The following CDH22 variants were observed in gnomAD, a reference collection of about 807,000 sequenced individuals.
The protein encoded by CDH22 is cadherin-22.
In CDH22, 30 loss-of-function variants were observed where a neutral mutation model predicts 58.4. The ratio of observed to expected loss-of-function variants is 0.51; its 90% CI spans 0.38 to 0.70. The LOEUF is 0.70. CDH22 is among the 30% of genes least tolerant of loss of function. CDH22 has a pLI of 0.00. For missense variants in CDH22, 1,014 were observed against 1,233.9 expected, an observed-to-expected ratio of 0.82 and a Z score of 2.67; for synonymous variants, 513 against 558.2, an observed-to-expected ratio of 0.92 and a Z score of 1.14.
chr20:46,198,482 C>T (rs1376256141), intron 8 of CDH22, among the ~76,000 whole-genome samples: 16 of 151,516 alleles, frequency 1.1e-4, no homozygotes. Context: ...CTCCTCCCCT[C>T]CTCTGTAGCT....
intron 7 of CDH22, among the ~76,000 whole-genome samples, chr20:46,208,891 C>T (rs1568658947): frequency 6.6e-6 from 1 of 152,250 alleles, no homozygotes; most frequent in African/African-American, 2.4e-5. Context: ...CCACACCCGG[C>T]CTCTATTTTT....
Position 46,216,745 on chromosome 20 carries a change from G to C in CDH22, c.838+81C>G. ...CTTCTTTTGGTGGGAAGTCTAAAGG[G>C]AAGCTGGGGTCAGCAGGTGGCTTGG... On this transcript the variant is annotated intron_variant, in intron 5 of 11. Coordinates refer to ENST00000537909, the MANE Select transcript of CDH22 (RefSeq NM_021248.3). The surrounding 1 kb of genome is among the most constrained non-coding windows in gnomAD (Gnocchi z 5.3). The C allele has an allele frequency of 7.5e-7, 1 of 1,339,812 alleles. No individual in the cohort carries two copies. The highest frequency in any genetic ancestry group is 1.0e-6 in the Non-Finnish European group (1 of 953,530). The allele number at this position is 1,339,812 out of a possible 1,614,324, so 83.0% of individuals were successfully genotyped here. A position where few individuals can be genotyped will look rare whatever the true frequency, so the allele number is the denominator to read the frequency against.
intron 7 of CDH22, among the ~76,000 whole-genome samples, chr20:46,203,014 A>ATGC (rs1382375365): frequency 6.6e-6 from 1 of 151,960 alleles, no homozygotes; most frequent in African/African-American, 2.4e-5. Context: ...TCCTCCCTCC[A>ATGC]TGCTGCTGCT....
At chr20:46,270,315 C>T (rs1197718114) in intron 1 of CDH22, among the ~76,000 whole-genome samples, 1 of 152,168 alleles carries the variant, frequency 6.6e-6, no homozygotes, top group Non-Finnish European at 1.5e-5. Context: ...GTAGGGCCTG[C>T]TGGGGCTGCA....
chr20:46,206,736 G>A (rs1212144621), intron 7 of CDH22, among the ~76,000 whole-genome samples: 4 of 152,200 alleles, frequency 2.6e-5, no homozygotes, highest in Non-Finnish European at 5.9e-5. Flanking sequence ...GCTTTCAGCA[G>A]TTATTCCATT....
intron 7 of CDH22, among the ~76,000 whole-genome samples, chr20:46,205,950 C>A (rs1440938958): frequency 1.3e-5 from 2 of 152,188 alleles, no homozygotes. Flanking sequence ...TCTTCGTCCC[C>A]TTGCAGGGGC....
At chr20:46,227,694 C>T (rs1185250029) in intron 3 of CDH22, 67 bp from the exon 4 acceptor site, 34 of 1,540,524 alleles carry the variant, frequency 2.2e-5, no homozygotes, top group Non-Finnish European at 3.0e-5. Context: ...CCCACTTCGC[C>T]TCACCCCAGG....
intron 7 of CDH22, chr20:46,209,901 A>G (rs1378856323): frequency 5.6e-6 from 1 of 177,846 alleles, no homozygotes; most frequent in Non-Finnish European, 1.2e-5. Flanking sequence ...GCGGAACACC[A>G]AGGGAGATGA....
chr20:46,177,245 G>T (rs1271671035), intron 11 of CDH22, among the ~76,000 whole-genome samples: 1 of 152,242 alleles, frequency 6.6e-6, no homozygotes, highest in Non-Finnish European at 1.5e-5. Flanking sequence ...TCTAGCTTTG[G>T]CCTCAGTGCC....
At chr20:46,244,955 A>T (rs1392277306) in intron 2 of CDH22, among the ~76,000 whole-genome samples, 6 of 152,108 alleles carry the variant, frequency 3.9e-5, no homozygotes, top group Non-Finnish European at 8.8e-5. Flanking sequence ...TTTGCCAGCA[A>T]CCTGTGCATG....
At chr20:46,185,923 G>C (rs1311618241) in intron 10 of CDH22, among the ~76,000 whole-genome samples, 2 of 151,648 alleles carry the variant, frequency 1.3e-5, no homozygotes, top group East Asian at 2.0e-4. Flanking sequence ...TTTTTAAACT[G>C]CAGGGTGGGC....
At chr20:46,207,808 A>C (rs1266862031) in intron 7 of CDH22, among the ~76,000 whole-genome samples, 9 of 152,124 alleles carry the variant, frequency 5.9e-5, no homozygotes, top group African/African-American at 1.9e-4. Flanking sequence ...GCCTCTCCTG[A>C]TATTTACACC....
At chr20:46,211,892 G>A (rs1055958446) in intron 6 of CDH22, among the ~76,000 whole-genome samples, 1 of 151,784 alleles carries the variant, frequency 6.6e-6, no homozygotes, top group Non-Finnish European at 1.5e-5. Context: ...CGAACTTCTT[G>A]GGGCCTCAGT....
chr20:46,179,921 A>G (rs1415289474), intron 10 of CDH22, among the ~76,000 whole-genome samples: 1 of 151,132 alleles, frequency 6.6e-6, no homozygotes, highest in Non-Finnish European at 1.5e-5. Context: ...TCTCTGGAAC[A>G]CCCTCTTCAC....
intron 7 of CDH22, among the ~76,000 whole-genome samples, chr20:46,200,790 G>A (rs2085954617): frequency 1.3e-5 from 2 of 152,184 alleles, no homozygotes; most frequent in African/African-American, 4.8e-5. Context: ...CACAGTTGGC[G>A]TGTACTGGGG....
chr20:46,286,100 A>G (rs117441109), intron 1 of CDH22, among the ~76,000 whole-genome samples: 2,958 of 152,302 alleles, frequency 0.019, 36 homozygotes, highest in Middle Eastern at 0.1. Context: ...TTTTTCTACA[A>G]GGAAAAGAGA....
intron 1 of CDH22, among the ~76,000 whole-genome samples, chr20:46,294,725 G>T (rs1334183526): frequency 6.6e-6 from 1 of 152,158 alleles, no homozygotes; most frequent in Admixed American, 6.5e-5. Flanking sequence ...GGGCTTGGGA[G>T]AAAGAGGGAA....
chr20:46,210,346 A>G lies in CDH22; in HGVS notation c.1247T>C (p.Val416Ala). 6.8e-7 allele frequency: 1 copy of G among 1,465,594 alleles called. No individual in the cohort carries two copies. The allele number at this position is 1,465,594 out of a possible 1,614,324, so 90.8% of individuals were successfully genotyped here. ...GGCGGCGTCGGGGTCCCGCGCCGTC[A>G]CCACGCCGACCAGGGAGCCCACCTG... Reference protein sequence around the residue: ...DAQVGSLVGVVTARDPDAANR... With the variant: ...DAQVGSLVGVATARDPDAANR... The change falls in exon 7 of 12, where the codon GTG becomes GCG. Residue 416 changes from valine to alanine, a missense_variant. By Grantham distance (64) the Val-to-Ala change is moderately conservative. Coordinates refer to ENST00000537909, the MANE Select transcript of CDH22 (RefSeq NM_021248.3). This position sits in a 1 kb window ranked among gnomAD's most constrained non-coding sequence, Gnocchi z 4.5.
chr20:46,254,283 G>C (rs2086395631), intron 1 of CDH22, among the ~76,000 whole-genome samples: 1 of 152,186 alleles, frequency 6.6e-6, no homozygotes, highest in African/African-American at 2.4e-5. Flanking sequence ...GGCCGAGTGA[G>C]GTGGCTTGTG....
Sources: gnomAD v4.1 joint callset for allele counts (sites outside exome capture counted in the v4.1 genomes callset) on GRCh38, gnomAD v4.1.1 for gene constraint, Gnocchi (gnomAD v3.1) non-coding constraint, MANE v1.5 for transcripts, NCBI Gene and HGNC (gene_info 2026-07-23, HGNC 2026-07-21) for gene names.